SYN2: variants seen among roughly 807,000 people sequenced by gnomAD.
SYN2 encodes the protein synapsin-2.
Under a neutral mutation model 50.9 loss-of-function variants are expected in SYN2, and 19 were observed. The ratio of observed to expected loss-of-function variants is 0.37; its 90% CI spans 0.26 to 0.55. The LOEUF (loss-of-function observed/expected upper bound fraction) is 0.55. Ranked by LOEUF, SYN2 falls within the 20% of genes least tolerant of loss-of-function variation. The probability of loss-of-function intolerance (pLI) is 0.81; values close to 1 mark genes in which losing one functional copy is unlikely to be tolerated. For synonymous variants in SYN2, 255 were observed against 224.9 expected, an observed-to-expected ratio of 1.13 and a Z score of -1.20; for missense variants, 587 against 576.4, an observed-to-expected ratio of 1.02 and a Z score of -0.19.
rs779004940 is a variant in SYN2, at chr3:12,153,531, T to A, written c.774+2205T>A. 3.7e-6 allele frequency: 6 copies of A among 1,613,596 alleles called. No homozygotes were observed. The Admixed American group carries it at 6.7e-5, about 18-fold the overall frequency. On this transcript the variant is annotated intron_variant, in intron 5 of 12. Transcript: ENST00000621198. ...TGGTCCCTACTAGGGCTGAACGATGTCAACAAACTCCTTCCTGAGAGGCAG... is the reference window on the plus strand; with the variant it reads ...TGGTCCCTACTAGGGCTGAACGATGACAACAAACTCCTTCCTGAGAGGCAG...
chr3:12,007,713 A>G (rs1693828271), intron 1 of SYN2, among the ~76,000 whole-genome samples: 1 of 152,266 alleles, frequency 6.6e-6, no homozygotes, highest in South Asian at 2.1e-4. Flanking sequence ...ACAAGCATTT[A>G]AATAGCAAGA....
intron 1 of SYN2, among the ~76,000 whole-genome samples, chr3:12,100,633 A>G (rs1358908257): frequency 6.6e-6 from 1 of 152,222 alleles, no homozygotes; most frequent in Non-Finnish European, 1.5e-5. Context: ...AATTTCATCA[A>G]GATTGAAATT....
intron 3 of SYN2, 52 bp from the exon 4 acceptor site, chr3:12,145,627 G>C (rs1697128289): frequency 6.3e-7 from 1 of 1,590,876 alleles, no homozygotes; most frequent in Non-Finnish European, 8.6e-7. Context: ...CCAAAATGAT[G>C]TATGGCCTGA....
chr3:12,059,444 G>A (rs1432673507), intron 1 of SYN2, among the ~76,000 whole-genome samples: 1 of 152,124 alleles, frequency 6.6e-6, no homozygotes, highest in Admixed American at 6.5e-5. Flanking sequence ...AGAAAAGAAT[G>A]TTAACTCTGG....
chr3:12,113,162 C>G (rs975930870), intron 1 of SYN2, among the ~76,000 whole-genome samples: 1 of 152,064 alleles, frequency 6.6e-6, no homozygotes, highest in Non-Finnish European at 1.5e-5. Flanking sequence ...ATTTGTGGTC[C>G]AGATCAGCAT....
intron 1 of SYN2, among the ~76,000 whole-genome samples, chr3:12,012,205 A>G (rs1466650836): frequency 6.6e-6 from 1 of 152,042 alleles, no homozygotes; most frequent in Non-Finnish European, 1.5e-5. Flanking sequence ...TAACTCAGCT[A>G]TATTTAATAA....
At position 12,100,543 on chromosome 3, in the gene SYN2, C is replaced by A. The variant is rs576976523; in HGVS notation, c.378-40108C>A. Among the ~76,000 whole-genome samples the A allele has an allele frequency of 4.6e-5, 7 of 152,192 alleles. No individual in the cohort carries two copies. In the East Asian group the frequency reaches 1.3e-3, roughly 29 times the overall value. On this transcript the variant is annotated intron_variant, in intron 1 of 12. Transcript: ENST00000621198. ...AAGAAACCTGAAGAACATATTAAATCTTAGTGACCTTGGATTAGATAATAG... is the reference window on the plus strand; with the variant it reads ...AAGAAACCTGAAGAACATATTAAATATTAGTGACCTTGGATTAGATAATAG...
intron 5 of SYN2, chr3:12,154,179 G>A: frequency 1.7e-6 from 2 of 1,210,042 alleles, no homozygotes; most frequent in Non-Finnish European, 2.3e-6. Flanking sequence ...TTGAGATCAG[G>A]GCCTATAGAC....
intron 5 of SYN2, chr3:12,156,686 C>T (rs1697466488): frequency 1.6e-6 from 1 of 634,016 alleles, no homozygotes; most frequent in Admixed American, 2.9e-5. Context: ...GTCACTAACA[C>T]AGCTCTGTTT....
intron 1 of SYN2, among the ~76,000 whole-genome samples, chr3:12,124,499 C>A (rs927420874): frequency 6.6e-6 from 1 of 151,880 alleles, no homozygotes; most frequent in South Asian, 2.1e-4. Context: ...TGCAAGGGAC[C>A]CCTGTACAAG....
intron 1 of SYN2, among the ~76,000 whole-genome samples, chr3:12,109,916 A>G (rs1442689065): frequency 6.6e-6 from 1 of 152,234 alleles, no homozygotes; most frequent in African/African-American, 2.4e-5. Context: ...TATACTGGGC[A>G]CAGTGGCTCA....
chr3:12,099,838 G>C (rs190602821), intron 1 of SYN2, among the ~76,000 whole-genome samples: 1 of 151,062 alleles, frequency 6.6e-6, no homozygotes, highest in African/African-American at 2.4e-5. Flanking sequence ...AGTGGCGGGC[G>C]CCTGTAGTCC....
At chr3:12,025,115 G>A (rs1694227717) in intron 1 of SYN2, among the ~76,000 whole-genome samples, 1 of 152,148 alleles carries the variant, frequency 6.6e-6, no homozygotes, top group East Asian at 1.9e-4. Flanking sequence ...ACATGGTGAA[G>A]GGAGAGAGCC....
In SYN2 at chr3:12,004,474, A is replaced by G; in HGVS notation, c.-78A>G. On this transcript the variant is annotated 5_prime_UTR_variant, in exon 1 of 13. Transcript: ENST00000621198. ...CCGCCTCAGCCGCCTCAGTCGCCTC[A>G]ATCTCGCCTTCCGCCCTCGCTCTCC... is the stretch of plus-strand genomic sequence containing the variant. The G allele has an allele frequency of 5.2e-6, 2 of 381,726 alleles. No individual in the cohort carries two copies. Among genetic ancestry groups the G allele is most frequent in the Non-Finnish European group, 1.0e-5 (2 of 196,410 alleles). 23.6% of individuals were successfully genotyped at this position (381,726 alleles called of 1,614,324 possible). A position where few individuals can be genotyped will look rare whatever the true frequency, so the allele number is the denominator to read the frequency against.
chr3:12,058,352 T>A (rs1254262424), intron 1 of SYN2, among the ~76,000 whole-genome samples: 3 of 152,224 alleles, frequency 2.0e-5, no homozygotes, highest in Admixed American at 6.5e-5. Context: ...GCTGTGTGTA[T>A]ATATAGGACT....
chr3:12,084,773 G>A (rs918007881), intron 1 of SYN2, among the ~76,000 whole-genome samples: 3 of 152,114 alleles, frequency 2.0e-5, no homozygotes, highest in South Asian at 2.1e-4. Flanking sequence ...GGAAGAAGGA[G>A]TAAAAGTTTA....
At chr3:12,082,712 C>G (rs1428174855) in intron 1 of SYN2, among the ~76,000 whole-genome samples, 1 of 152,068 alleles carries the variant, frequency 6.6e-6, no homozygotes, top group Non-Finnish European at 1.5e-5. Flanking sequence ...CTTTTATAAT[C>G]CCTTGATATA....
chr3:12,052,138 T>G (rs1476949277), intron 1 of SYN2, among the ~76,000 whole-genome samples: 2 of 152,234 alleles, frequency 1.3e-5, no homozygotes, highest in African/African-American at 4.8e-5. Flanking sequence ...CAGGAAACAT[T>G]TATTGAATGC....
intron 1 of SYN2, among the ~76,000 whole-genome samples, chr3:12,026,440 C>T (rs1694258696): frequency 6.6e-6 from 1 of 152,014 alleles, no homozygotes; most frequent in African/African-American, 2.4e-5. Context: ...TCATGCTACC[C>T]TCTGATCACT....
Sources: allele counts gnomAD v4.1 joint callset (sites outside exome capture counted in the v4.1 genomes callset), GRCh38; gene constraint gnomAD v4.1.1; transcripts MANE v1.5; gene names NCBI Gene and HGNC (gene_info 2026-07-23, HGNC 2026-07-21).